Variants in ELP4 observed in about 807,000 individuals in gnomAD.
ELP4 encodes the protein elongator acetyltransferase complex subunit 4, also known as elongator complex protein 4.
ELP4 carries 51 observed loss-of-function variants against 48.9 expected under a neutral mutation model. The observed-to-expected ratio is 1.04, with a 90% CI of 0.83 to 1.32. ELP4 has a LOEUF of 1.32. Ranked by LOEUF, ELP4 falls within the 40% of genes most tolerant of loss-of-function variation. The pLI is 0.00. For missense variants in ELP4, 519 were observed against 514.6 expected (o/e 1.01, Z -0.08); for synonymous variants, 210 against 189.2 (o/e 1.11, Z -0.90).
At chr11:31,697,256 G>C (rs554036291) in intron 9 of ELP4, among the ~76,000 whole-genome samples, 2 of 152,224 alleles carry the variant, frequency 1.3e-5, no homozygotes, top group South Asian at 4.1e-4. Flanking sequence ...CTTTAGAAGA[G>C]TTATCTCTAA....
At chr11:31,624,180 T>C (rs1944689845) in intron 5 of ELP4, among the ~76,000 whole-genome samples, 1 of 151,736 alleles carries the variant, frequency 6.6e-6, no homozygotes, top group Non-Finnish European at 1.5e-5. Context: ...AACCACCATA[T>C]CCAACAACCC....
At chr11:31,627,215 C>T in intron 6 of ELP4, 21 bp downstream of exon 6, 1 of 814,468 alleles carries the variant, frequency 1.2e-6, no homozygotes, top group Non-Finnish European at 1.7e-6. Context: ...GCTTCAAAGT[C>T]TTTTATAATT....
chr11:31,742,590 A>G (rs1262601812), intron 9 of ELP4, among the ~76,000 whole-genome samples: 1 of 152,226 alleles, frequency 6.6e-6, no homozygotes, highest in Non-Finnish European at 1.5e-5. Flanking sequence ...AGTGGGGGCC[A>G]ATATTCAACT....
chr11:31,593,718 C>T (rs896141952), intron 3 of ELP4, among the ~76,000 whole-genome samples: 1 of 152,092 alleles, frequency 6.6e-6, no homozygotes, highest in Admixed American at 6.5e-5. Flanking sequence ...CTCACAAATA[C>T]GTATTTCCAC....
intron 3 of ELP4, among the ~76,000 whole-genome samples, chr11:31,584,674 C>T (rs977578490): frequency 7.9e-5 from 12 of 151,932 alleles, no homozygotes; most frequent in African/African-American, 2.7e-4. Flanking sequence ...ATTACACGCA[C>T]CCGCCATTTT....
chr11:31,758,574 A>ACT (rs1178335116), intron 9 of ELP4, among the ~76,000 whole-genome samples: 1 of 152,116 alleles, frequency 6.6e-6, no homozygotes, highest in Non-Finnish European at 1.5e-5. Context: ...CAGATAGTAT[A>ACT]TGTCACAATA....
At chr11:31,730,874 C>T (rs191715642) in intron 9 of ELP4, among the ~76,000 whole-genome samples, 2 of 151,592 alleles carry the variant, frequency 1.3e-5, no homozygotes, top group Non-Finnish European at 2.9e-5. Flanking sequence ...TCCTGGGGGT[C>T]ACTGAGAACA....
chr11:31,626,419 G>C lies in ELP4; in HGVS notation c.654-691G>C, dbSNP rs1052224959. Among the ~76,000 whole-genome samples, 3 of 151,734 alleles carry C rather than the reference G, an allele frequency of 2.0e-5. No individual in the cohort carries two copies. In the East Asian group the frequency reaches 5.8e-4, roughly 29 times the overall value. On this transcript the variant is annotated intron_variant, in intron 5 of 9. Coordinates refer to ENST00000640961, the MANE Select transcript of ELP4 (RefSeq NM_019040.5). ...TCCATTATGCAGAATCTTAACTTCA[G>C]ATAATGTAAAGCAGATTTTCCTCAT... is the stretch of plus-strand genomic sequence containing the variant.
At chr11:31,570,466 C>A (rs1957176014) in intron 3 of ELP4, among the ~76,000 whole-genome samples, 1 of 127,906 alleles carries the variant, frequency 7.8e-6, no homozygotes, top group Non-Finnish European at 1.6e-5. Context: ...TGTAATATAC[C>A]TTTTTTTTTT....
intron 3 of ELP4, among the ~76,000 whole-genome samples, chr11:31,549,254 A>G (rs566114573): frequency 9.2e-4 from 140 of 151,950 alleles, no homozygotes; most frequent in African/African-American, 3.2e-3. Flanking sequence ...AAGGGCTAAT[A>G]TCCAGAATCT....
At chr11:31,696,039 C>T (rs1279096806) in intron 9 of ELP4, among the ~76,000 whole-genome samples, 2 of 151,812 alleles carry the variant, frequency 1.3e-5, no homozygotes, top group Non-Finnish European at 2.9e-5. Context: ...TTTATTGCAT[C>T]TATTTGATTC....
chr11:31,779,573 G>A (rs923591305), intron 9 of ELP4: 1 of 152,282 alleles, frequency 6.6e-6, no homozygotes, highest in Non-Finnish European at 1.5e-5. Context: ...GGTACCTCTT[G>A]GAGCCTCAGA....
chr11:31,515,033 G>GTGTGTATA (rs1263600301), intron 1 of ELP4, among the ~76,000 whole-genome samples: 82 of 133,974 alleles, frequency 6.1e-4, no homozygotes, highest in African/African-American at 1.3e-3. Flanking sequence ...GTGTGTGTGT[G>GTGTGTATA]TATATATATA....
intron 3 of ELP4, 35 bp from the exon 4 acceptor site, chr11:31,594,735 C>T (rs1054387370): frequency 1.4e-6 from 2 of 1,430,022 alleles, no homozygotes; most frequent in Non-Finnish European, 1.8e-6. Context: ...TATTTTACCA[C>T]AGAATCTCAA....
Position 31,787,296 on chromosome 11 carries a change from G to T in ELP4, c.*3772G>T, listed in dbSNP as rs865924000. On this transcript the variant is annotated 3_prime_UTR_variant, in exon 10 of 10. Coordinates refer to ENST00000640961, the MANE Select transcript of ELP4 (RefSeq NM_019040.5). ...CCTGACCTTCAGAGCACACATATAC[G>T]TGCCCAAGTGCACACATACAGACCC... The T allele has an allele frequency of 5.6e-5, 13 of 233,002 alleles. No individual in the cohort carries two copies. Among genetic ancestry groups the T allele is most frequent in the South Asian group, 1.8e-4 (1 of 5,530 alleles). 14.4% of individuals were successfully genotyped at this position (233,002 alleles called of 1,614,324 possible).
At chr11:31,564,042 C>T (rs1957065118) in intron 3 of ELP4, among the ~76,000 whole-genome samples, 1 of 152,144 alleles carries the variant, frequency 6.6e-6, no homozygotes, top group Non-Finnish European at 1.5e-5. Context: ...TGATTAGAAA[C>T]AGTCATTGTA....
At chr11:31,551,823 T>C (rs987521875) in intron 3 of ELP4, among the ~76,000 whole-genome samples, 3 of 152,180 alleles carry the variant, frequency 2.0e-5, no homozygotes, top group African/African-American at 7.2e-5. Context: ...TTACCTCCTC[T>C]TTTATGAAAT....
chr11:31,769,757 A>G (rs1726464107), intron 9 of ELP4, among the ~76,000 whole-genome samples: 1 of 152,138 alleles, frequency 6.6e-6, no homozygotes, highest in African/African-American at 2.4e-5. Flanking sequence ...ACCTTTTACC[A>G]CTTCTAGAGT....
chr11:31,589,273 A>T (rs1957530487), intron 3 of ELP4, among the ~76,000 whole-genome samples: 1 of 152,208 alleles, frequency 6.6e-6, no homozygotes, highest in African/African-American at 2.4e-5. Flanking sequence ...TATATACATT[A>T]CCATATAGTC....
Sources: gnomAD v4.1 joint callset for allele counts (sites outside exome capture counted in the v4.1 genomes callset) on GRCh38, gnomAD v4.1.1 for gene constraint, MANE v1.5 for transcripts, NCBI Gene and HGNC (gene_info 2026-07-23, HGNC 2026-07-21) for gene names.